The following COL21A1 variants were observed in gnomAD, a reference collection of about 807,000 sequenced individuals.
COL21A1 encodes the protein collagen type XXI alpha 1 chain.
In COL21A1, 149 loss-of-function variants were observed where a neutral mutation model predicts 137.9. The ratio of observed to expected loss-of-function variants is 1.08; its 90% CI spans 0.95 to 1.24. COL21A1 has a LOEUF of 1.24. COL21A1 is among the 50% of genes most tolerant of loss of function. The pLI is 0.00. For synonymous variants in COL21A1, 456 were observed against 391.5 expected, an observed-to-expected ratio of 1.16 and a Z score of -1.95; for missense variants, 1,167 against 1,158.4, an observed-to-expected ratio of 1.01 and a Z score of -0.11.
chr6:56,243,697 AT>A (rs1375948817), intron 1 of COL21A1, among the ~76,000 whole-genome samples: 3 of 152,158 alleles, frequency 2.0e-5, no homozygotes, highest in Non-Finnish European at 4.4e-5. Context: ...TACTTCCCCA[AT>A]TTTACCAATG....
intron 9 of COL21A1, among the ~76,000 whole-genome samples, chr6:56,163,523 A>T (rs1454911182): frequency 6.6e-6 from 1 of 152,144 alleles, no homozygotes; most frequent in African/African-American, 2.4e-5. Context: ...ATCCTTGCCA[A>T]CACGGTGAAA....
chr6:56,343,911 A>C lies in COL21A1; in HGVS notation c.-39+50060T>G, dbSNP rs1330000621. On this transcript the variant is annotated intron_variant, in intron 1 of 28. Transcript: ENST00000370819. ...TAGTGAGCCATAACTGTACGACTGC[A>C]CTCCAGCCTGGGTGACAAAGAAAGA... Among the ~76,000 whole-genome samples the C allele has an allele frequency of 5.5e-4, 83 of 152,154 alleles. 1 individual carries two copies. The highest frequency in any genetic ancestry group is 1.0e-4 in the Non-Finnish European group (7 of 68,030).
At chr6:56,375,948 T>C (rs552365356) in intron 1 of COL21A1, among the ~76,000 whole-genome samples, 59 of 152,268 alleles carry the variant, frequency 3.9e-4, no homozygotes, top group African/African-American at 1.4e-3. Flanking sequence ...GGAAGTTTAG[T>C]GCTTAACATG....
chr6:56,200,599 C>T (rs949967883), intron 1 of COL21A1, among the ~76,000 whole-genome samples: 10 of 151,738 alleles, frequency 6.6e-5, no homozygotes, highest in African/African-American at 2.4e-4. Context: ...TGATGGTTTC[C>T]AGCTTCATTC....
intron 1 of COL21A1, among the ~76,000 whole-genome samples, chr6:56,373,050 T>C (rs1049732126): frequency 3.3e-5 from 5 of 151,914 alleles, no homozygotes; most frequent in Non-Finnish European, 7.4e-5. Flanking sequence ...CTTGTCCCTG[T>C]TGAACTCACA....
chr6:56,059,958 T>C (rs1055996587), intron 28 of COL21A1, 60 bp downstream of exon 28: 2 of 1,225,376 alleles, frequency 1.6e-6, no homozygotes, highest in African/African-American at 1.5e-5. Context: ...GGATATAGGG[T>C]ATGAATTTTT....
At chr6:56,205,885 G>C (rs571267489) in intron 1 of COL21A1, among the ~76,000 whole-genome samples, 1 of 152,260 alleles carries the variant, frequency 6.6e-6, no homozygotes, top group Admixed American at 6.5e-5. Flanking sequence ...GCCAAACTAA[G>C]CTTCACAAGT....
chr6:56,350,310 C>T (rs1765684045), intron 1 of COL21A1, among the ~76,000 whole-genome samples: 1 of 152,174 alleles, frequency 6.6e-6, no homozygotes, highest in African/African-American at 2.4e-5. Context: ...TGTGAAGGAG[C>T]AACAGAGAGG....
At chr6:56,369,614 T>C (rs1766184101) in intron 1 of COL21A1, among the ~76,000 whole-genome samples, 1 of 150,490 alleles carries the variant, frequency 6.6e-6, no homozygotes, top group Admixed American at 6.6e-5. Context: ...AAACTTTTTT[T>C]ATAAGATATG....
Position 56,166,910 on chromosome 6 carries a change from C to G in COL21A1, c.1274G>C (p.Gly425Ala), listed in dbSNP as rs748887167. The part of the protein sequence containing the change: ...NNRETACEIP[G>A]FNGECLNGPS... ...AAAACAATCCCTCCTACTTACAAAT[C>G]CAGGAATCTCACATGCTGTCTCCCG... The change falls in exon 7 of 30, where the codon GGA (glycine) becomes GCA (alanine). Residue 425 changes from glycine (G) to alanine (A), a missense_variant. Gly to Ala is a moderately conservative substitution (Grantham distance 60). Transcript: ENST00000244728. The G allele has an allele frequency of 1.9e-6, 3 of 1,611,678 alleles. No homozygotes were observed. The highest frequency in any genetic ancestry group is 1.7e-5 in the Admixed American group (1 of 59,846).
At chr6:56,096,971 A>C (rs570007879) in intron 17 of COL21A1, among the ~76,000 whole-genome samples, 10 of 152,124 alleles carry the variant, frequency 6.6e-5, no homozygotes, top group African/African-American at 1.4e-4. Context: ...AATGATAAGA[A>C]TCCATTTGCA....
chr6:56,166,744 C>T, intron 7 of COL21A1, 162 bp downstream of exon 7: 1 of 703,114 alleles, frequency 1.4e-6, no homozygotes, highest in Non-Finnish European at 2.6e-6. Context: ...TCAATTATAA[C>T]CTCAAAATAT....
At chr6:56,069,732 A>G (rs967709190) in intron 21 of COL21A1, among the ~76,000 whole-genome samples, 2 of 150,690 alleles carry the variant, frequency 1.3e-5, no homozygotes, top group Non-Finnish European at 3.0e-5. Context: ...TTTTCATAAC[A>G]TAAGTTTTAA....
At chr6:56,291,572 A>T (rs1764045906) in intron 1 of COL21A1, among the ~76,000 whole-genome samples, 1 of 152,236 alleles carries the variant, frequency 6.6e-6, no homozygotes, top group African/African-American at 2.4e-5. Context: ...CGGGTCGCAG[A>T]GTCTAGCTCC....
At chr6:56,200,380 G>A (rs553184035) in intron 1 of COL21A1, among the ~76,000 whole-genome samples, 1 of 152,020 alleles carries the variant, frequency 6.6e-6, no homozygotes, top group East Asian at 1.9e-4. Flanking sequence ...ATGTATACAT[G>A]TGCCATGTTG....
intron 20 of COL21A1, among the ~76,000 whole-genome samples, chr6:56,073,105 A>T (rs1165689883): frequency 1.4e-5 from 2 of 141,982 alleles, no homozygotes. Flanking sequence ...TGTATCTAAT[A>T]AAAAAAAAAA....
chr6:56,115,789 A>G (rs1483941361), intron 16 of COL21A1, among the ~76,000 whole-genome samples: 1 of 152,196 alleles, frequency 6.6e-6, no homozygotes, highest in Non-Finnish European at 1.5e-5. Context: ...GCAGAGAAGG[A>G]ATTCAGAATT....
chr6:56,141,301 C>T (rs933827768), intron 12 of COL21A1, among the ~76,000 whole-genome samples: 1 of 152,042 alleles, frequency 6.6e-6, no homozygotes, highest in Non-Finnish European at 1.5e-5. Flanking sequence ...CATGAATGAA[C>T]CTGGAAGACA....
chr6:56,334,028 T>TATGATAGTATGTAGTTTCAGTA (rs59592166), intron 1 of COL21A1, among the ~76,000 whole-genome samples: 1 of 151,524 alleles, frequency 6.6e-6, no homozygotes, highest in Non-Finnish European at 1.5e-5. Context: ...ATGCTTTGCA[T>TATGATAGTATGTAGTTTCAGTA]ATGACAGTAT....
Sources: gnomAD v4.1 joint callset for allele counts (sites outside exome capture counted in the v4.1 genomes callset) on GRCh38, gnomAD v4.1.1 for gene constraint, MANE v1.5 for transcripts, NCBI Gene and HGNC (gene_info 2026-07-23, HGNC 2026-07-21) for gene names.